LRMDA: variants seen among roughly 807,000 people sequenced by gnomAD.
The protein encoded by LRMDA is leucine-rich melanocyte differentiation-associated protein.
A neutral mutation model predicts 29.8 loss-of-function variants in LRMDA; 18 were observed. The observed-to-expected ratio is 0.60, with a 90% CI of 0.42 to 0.90. LRMDA has a LOEUF of 0.90. LRMDA is among the 40% of genes least tolerant of loss of function. The pLI is 0.00. For synonymous variants in LRMDA, 125 were observed against 109.4 expected, an observed-to-expected ratio of 1.14 and a Z score of -0.89; for missense variants, 273 against 273.9, an observed-to-expected ratio of 1.00 and a Z score of 0.02.
At chr10:76,481,805 GGT>G (rs1842735751) in intron 6 of LRMDA, among the ~76,000 whole-genome samples, 1 of 151,800 alleles carries the variant, frequency 6.6e-6, no homozygotes, top group Non-Finnish European at 1.5e-5. Context: ...TATTTCCTAA[GGT>G]GCTGACCATC....
chr10:76,223,067 G>A (rs1246841521), intron 5 of LRMDA, among the ~76,000 whole-genome samples: 2 of 151,254 alleles, frequency 1.3e-5, no homozygotes, highest in East Asian at 2.0e-4. Context: ...ATTGAACAAC[G>A]AGAACACATG....
At chr10:76,383,863 C>T (rs6480811) in intron 6 of LRMDA, among the ~76,000 whole-genome samples, 45,076 of 152,074 alleles carry the variant, frequency 0.3, 10,060 homozygotes, top group African/African-American at 0.63. Flanking sequence ...CTTCTGAGAC[C>T]ACTCAGTTTA....
At chr10:75,447,780 C>T (rs756327259) in intron 2 of LRMDA, among the ~76,000 whole-genome samples, 1 of 152,028 alleles carries the variant, frequency 6.6e-6, no homozygotes, top group Non-Finnish European at 1.5e-5. Context: ...CCTGTAGTTT[C>T]AGCTACTTGG....
At chr10:75,618,338 G>A (rs570412448) in intron 2 of LRMDA, among the ~76,000 whole-genome samples, 5 of 142,426 alleles carry the variant, frequency 3.5e-5, no homozygotes, top group Non-Finnish European at 7.5e-5. Flanking sequence ...CTATCCTTAT[G>A]TAGTTGTCTT....
chr10:75,468,693 G>T (rs891881253), intron 2 of LRMDA, among the ~76,000 whole-genome samples: 3 of 151,992 alleles, frequency 2.0e-5, no homozygotes, highest in Non-Finnish European at 4.4e-5. Context: ...GGGGGCTGTC[G>T]GGCACAGGAT....
chr10:76,131,227 T>C (rs1415720645), intron 5 of LRMDA, among the ~76,000 whole-genome samples: 1 of 152,152 alleles, frequency 6.6e-6, no homozygotes, highest in Non-Finnish European at 1.5e-5. Context: ...TCTCTGCCTT[T>C]TTAGTTCCCA....
chr10:75,750,619 C>CTGCAATCTCTGCACTTT (rs1842951280), intron 2 of LRMDA, among the ~76,000 whole-genome samples: 1 of 145,872 alleles, frequency 6.9e-6, no homozygotes, highest in Non-Finnish European at 1.5e-5. Flanking sequence ...CGGGCAGAGG[C>CTGCAATCTCTGCACTTT]GCTCCTCACA....
At position 76,085,267 on chromosome 10, in the gene LRMDA, A is replaced by G. The variant is rs79802775; in HGVS notation, c.516+26484A>G. 2.0e-3 allele frequency among the ~76,000 whole-genome samples: 298 copies of G among 152,350 alleles called. 5 individuals are homozygous for G. The highest frequency in any genetic ancestry group is 7.0e-3 in the African/African-American group (291 of 41,578). On this transcript the variant is annotated intron_variant, in intron 5 of 6. Coordinates refer to ENST00000611255, the MANE Select transcript of LRMDA (RefSeq NM_001305581.2). ...AGCTGCAATAAATGCATCCTAATAC[A>G]TCTGGGGACAAATAATCCGAAACAC... is the stretch of plus-strand genomic sequence containing the variant.
intron 2 of LRMDA, among the ~76,000 whole-genome samples, chr10:75,929,854 A>G (rs996608787): frequency 2.0e-5 from 3 of 152,164 alleles, no homozygotes; most frequent in African/African-American, 7.2e-5. Flanking sequence ...CTTCTTTGAG[A>G]GCTTCCTTCC....
intron 2 of LRMDA, among the ~76,000 whole-genome samples, chr10:75,547,110 A>G (rs1840089628): frequency 6.6e-6 from 1 of 152,126 alleles, no homozygotes; most frequent in Admixed American, 6.5e-5. Flanking sequence ...GAAGAAATAG[A>G]TCATTTCAGC....
intron 2 of LRMDA, among the ~76,000 whole-genome samples, chr10:75,492,360 A>G (rs924047281): frequency 2.0e-5 from 3 of 152,096 alleles, no homozygotes; most frequent in East Asian, 1.9e-4. Flanking sequence ...TAACCTCTCT[A>G]TACCTCCTGG....
At chr10:76,258,436 A>G (rs1431175662) in intron 5 of LRMDA, among the ~76,000 whole-genome samples, 1 of 152,122 alleles carries the variant, frequency 6.6e-6, no homozygotes, top group East Asian at 1.9e-4. Context: ...CTCATCGCAA[A>G]CATTTTTCAT....
At chr10:75,921,596 C>A (rs1293720872) in intron 2 of LRMDA, among the ~76,000 whole-genome samples, 1 of 152,074 alleles carries the variant, frequency 6.6e-6, no homozygotes, top group Non-Finnish European at 1.5e-5. Context: ...TAGAAAAAAG[C>A]TTTGTGTTTG....
intron 2 of LRMDA, among the ~76,000 whole-genome samples, chr10:75,666,424 C>G (rs1841823124): frequency 6.8e-6 from 1 of 146,860 alleles, no homozygotes; most frequent in Non-Finnish European, 1.5e-5. Flanking sequence ...AGTATATAAA[C>G]TATATTACCT....
chr10:75,608,129 T>TATATATATATATATATATATATAC (rs11271217), intron 2 of LRMDA, among the ~76,000 whole-genome samples: 1 of 89,540 alleles, frequency 1.1e-5, no homozygotes, highest in Admixed American at 1.3e-4. Flanking sequence ...TATATATATA[T>TATATATATATATATATATATATAC]ACACACACAT....
At chr10:75,554,892 T>C (rs979497368) in intron 2 of LRMDA, among the ~76,000 whole-genome samples, 7 of 152,184 alleles carry the variant, frequency 4.6e-5, no homozygotes, top group South Asian at 2.1e-4. Flanking sequence ...CATTTACTTT[T>C]CTTTTTATAT....
At chr10:76,000,386 G>A (rs767184159) in intron 2 of LRMDA, among the ~76,000 whole-genome samples, 2 of 152,170 alleles carry the variant, frequency 1.3e-5, no homozygotes, top group East Asian at 1.9e-4. Context: ...GGAGGTGGTC[G>A]GGTGGGGTGT....
At chr10:76,061,733 T>C (rs1848703838) in intron 5 of LRMDA, among the ~76,000 whole-genome samples, 1 of 152,132 alleles carries the variant, frequency 6.6e-6, no homozygotes, top group Non-Finnish European at 1.5e-5. Context: ...CCAGAACCCC[T>C]GGGGGTCTGG....
At chr10:75,577,654 C>G (rs992308015) in intron 2 of LRMDA, among the ~76,000 whole-genome samples, 2 of 152,144 alleles carry the variant, frequency 1.3e-5, no homozygotes, top group Non-Finnish European at 2.9e-5. Flanking sequence ...TCGGGTTACC[C>G]ACAAAGGGAA....
Sources: gnomAD v4.1 joint callset for allele counts (sites outside exome capture counted in the v4.1 genomes callset) on GRCh38, gnomAD v4.1.1 for gene constraint, MANE v1.5 for transcripts, NCBI Gene and HGNC (gene_info 2026-07-23, HGNC 2026-07-21) for gene names.